The following NHS variants were observed in gnomAD, a reference collection of about 807,000 sequenced individuals.
The protein encoded by NHS is actin remodeling regulator NHS.
Under a neutral mutation model 72.5 loss-of-function variants are expected in NHS, and 5 were observed. That is an observed-to-expected ratio of 0.07 (90% CI 0.04 to 0.14). The LOEUF is 0.14. NHS is among the 10% of genes least tolerant of loss of function. NHS has a pLI of 1.00. For missense variants in NHS, 1,072 were observed against 1,355.7 expected (o/e 0.79, Z 3.29); for synonymous variants, 464 against 547.7 (o/e 0.85, Z 2.13).
At chrX:17,599,292 C>A (rs1256634816) in intron 1 of NHS, among the ~76,000 whole-genome samples, 1 of 111,694 alleles carries the variant, frequency 9.0e-6, no homozygotes, top group African/African-American at 3.3e-5. Flanking sequence ...CTTTCACAGG[C>A]ACTGCCAAGC....
intron 1 of NHS, among the ~76,000 whole-genome samples, chrX:17,538,984 G>C (rs1264080809): frequency 4.5e-5 from 5 of 112,084 alleles, no homozygotes; most frequent in Admixed American, 9.4e-5. Context: ...GTAAAAGCCA[G>C]AGTCCCAAGC....
At chrX:17,600,321 G>T (rs1372666616) in intron 1 of NHS, among the ~76,000 whole-genome samples, 2 of 109,624 alleles carry the variant, frequency 1.8e-5, no homozygotes, top group East Asian at 5.7e-4. Context: ...AGAGTGAGTT[G>T]GGGATTGTGG....
rs191662407 is a variant in NHS at position 17,493,329 on chromosome X, T to G, written c.565+117007T>G. Among the ~76,000 whole-genome samples, 445 of 112,275 alleles carry G rather than the reference T, an allele frequency of 4.0e-3. 4 individuals are homozygous for G. The highest frequency in any genetic ancestry group is 0.014 in the African/African-American group (423 of 30,923). On this transcript the variant is annotated intron_variant, in intron 1 of 8. Transcript: ENST00000676302. The stretch of plus-strand genomic sequence containing the variant: ...TGCTTCCAGTGATCATGGGTCAGTG[T>G]CCCAGAAGTGTGGACTGGGGTCAGA...
chrX:17,390,519 A>G (rs1276611814), intron 1 of NHS, among the ~76,000 whole-genome samples: 2 of 111,485 alleles, frequency 1.8e-5, no homozygotes, highest in Non-Finnish European at 3.8e-5. Context: ...CCATGTGAGA[A>G]GTCATAGGGC....
At chrX:17,533,500 G>T (rs2065208909) in intron 1 of NHS, among the ~76,000 whole-genome samples, 1 of 111,412 alleles carries the variant, frequency 9.0e-6, no homozygotes, top group South Asian at 3.8e-4. Context: ...TGTTACCCAG[G>T]TCTTGAACTC....
At chrX:17,458,519 GTC>G (rs2064834179) in intron 1 of NHS, among the ~76,000 whole-genome samples, 1 of 110,864 alleles carries the variant, frequency 9.0e-6, no homozygotes, top group Non-Finnish European at 1.9e-5. Flanking sequence ...GCGAGAGGGA[GTC>G]TCACTCTGTT....
At chrX:17,474,995 T>C (rs990706490) in intron 1 of NHS, among the ~76,000 whole-genome samples, 1 of 111,458 alleles carries the variant, frequency 9.0e-6, no homozygotes, top group Non-Finnish European at 1.9e-5. Context: ...TCTTCTTGCA[T>C]TCCTCTCCTT....
chrX:17,495,193 T>C (rs968842981), intron 1 of NHS, among the ~76,000 whole-genome samples: 1 of 111,909 alleles, frequency 8.9e-6, no homozygotes, highest in Non-Finnish European at 1.9e-5. Flanking sequence ...ACTCTGTGTT[T>C]ACCCGGGGCT....
chrX:17,434,441 A>ATT (rs1166011488), intron 1 of NHS, among the ~76,000 whole-genome samples: 82 of 91,852 alleles, frequency 8.9e-4, no homozygotes, highest in African/African-American at 2.8e-3. Context: ...CATTCAAACA[A>ATT]TTTTTTTTTT....
At chrX:17,583,440 C>T (rs1326524882) in intron 1 of NHS, among the ~76,000 whole-genome samples, 1 of 112,345 alleles carries the variant, frequency 8.9e-6, no homozygotes, top group Non-Finnish European at 1.9e-5. Context: ...ATCCTCTCTC[C>T]TTCCTCCCTA....
intron 1 of NHS, among the ~76,000 whole-genome samples, chrX:17,462,781 C>T (rs1297075921): frequency 1.8e-5 from 2 of 111,589 alleles, no homozygotes; most frequent in Non-Finnish European, 3.8e-5. Flanking sequence ...TAATTCACGG[C>T]ATCGTTTCAC....
intron 1 of NHS, among the ~76,000 whole-genome samples, chrX:17,681,171 T>G (rs1015363592): frequency 2.7e-5 from 3 of 111,731 alleles, no homozygotes; most frequent in Non-Finnish European, 5.6e-5. Context: ...TTGTTTATAC[T>G]TCACTCAACA....
At chrX:17,456,683 G>C (rs960794923) in intron 1 of NHS, among the ~76,000 whole-genome samples, 1 of 112,131 alleles carries the variant, frequency 8.9e-6, no homozygotes, top group South Asian at 3.7e-4. Context: ...CCCACCAGCT[G>C]CTACCTTGCA....
chrX:17,676,270 G>T (rs1169075300), intron 1 of NHS, among the ~76,000 whole-genome samples: 1 of 111,787 alleles, frequency 8.9e-6, no homozygotes, highest in East Asian at 2.8e-4. Context: ...TTTCTTTCCT[G>T]GGATGTCAGA....
chrX:17,677,919 C>T (rs904621031), intron 1 of NHS, among the ~76,000 whole-genome samples: 1 of 111,202 alleles, frequency 9.0e-6, no homozygotes, highest in Admixed American at 9.5e-5. Context: ...GAGATCCTCC[C>T]GCCTCAGAGT....
chrX:17,470,641 C>A (rs749362514), intron 1 of NHS, among the ~76,000 whole-genome samples: 1 of 111,631 alleles, frequency 9.0e-6, no homozygotes, highest in African/African-American at 3.3e-5. Flanking sequence ...CCAGCTACCA[C>A]TGGCTTCCTA....
At chrX:17,585,738 GTAATAA>G (rs548692975) in intron 1 of NHS, among the ~76,000 whole-genome samples, 126 of 101,233 alleles carry the variant, frequency 1.2e-3, no homozygotes, top group Admixed American at 1.4e-3. Context: ...AAAAATAATA[GTAATAA>G]TAATAATAAT....
In NHS at chrX:17,692,559, G is replaced by C. The variant is rs1052138798; in HGVS notation, c.852+91G>C. 6 of 1,090,166 alleles carry C rather than the reference G, an allele frequency of 5.5e-6. No homozygotes were observed. In the Admixed American group the frequency reaches 1.1e-4, roughly 20 times the overall value. 89.8% of individuals were successfully genotyped at this position (1,090,166 alleles called of 1,213,427 possible). On this transcript the variant is annotated intron_variant, in intron 3 of 8. Transcript: ENST00000676302. ...CAGTTTCCTGCCTCCCAGTGAGAGA[G>C]GCTGGGCTGGCTAAGAGCTCAAATC...
chrX:17,434,331 C>T (rs933128566), intron 1 of NHS, among the ~76,000 whole-genome samples: 1 of 111,351 alleles, frequency 9.0e-6, no homozygotes, highest in African/African-American at 3.3e-5. Context: ...TAAGGAGAAA[C>T]AGAATATTTT....
Sources: allele counts gnomAD v4.1 joint callset (sites outside exome capture counted in the v4.1 genomes callset), GRCh38; gene constraint gnomAD v4.1.1; transcripts MANE v1.5; gene names NCBI Gene and HGNC (gene_info 2026-07-23, HGNC 2026-07-21).